VPS13B: variants seen among roughly 807,000 people sequenced by gnomAD.
VPS13B encodes intermembrane lipid transfer protein VPS13B.
VPS13B carries 285 observed loss-of-function variants against 426.4 expected under a neutral mutation model. The ratio of observed to expected loss-of-function variants is 0.67; its 90% CI spans 0.61 to 0.74. VPS13B has a LOEUF of 0.74. Ranked by LOEUF, VPS13B falls within the 30% of genes least tolerant of loss-of-function variation. VPS13B has a pLI of 0.00. For missense variants in VPS13B, 4,537 were observed against 4,782.6 expected (o/e 0.95, Z 1.51); for synonymous variants, 1,676 against 1,676.4 (o/e 1.00, Z 0.01).
At chr8:99,148,222 G>T (rs563809761) in intron 14 of VPS13B, among the ~76,000 whole-genome samples, 27 of 151,928 alleles carry the variant, frequency 1.8e-4, no homozygotes, top group African/African-American at 6.3e-4. Flanking sequence ...AAAAAAATTT[G>T]GCACGGTGGC....
intron 33 of VPS13B, among the ~76,000 whole-genome samples, chr8:99,593,017 G>A (rs1209330617): frequency 6.6e-6 from 1 of 152,118 alleles, no homozygotes; most frequent in African/African-American, 2.4e-5. Flanking sequence ...AAGATTTCAT[G>A]ACGAAGATGC....
At chr8:99,478,447 G>GTTTTGTTTTTTTTTTTTGT (rs1819822769) in intron 24 of VPS13B, among the ~76,000 whole-genome samples, 2 of 85,778 alleles carry the variant, frequency 2.3e-5, no homozygotes, top group East Asian at 3.6e-4. Context: ...TTTTTGTTTT[G>GTTTTGTTTTTTTTTTTTGT]TTTTTTTTTT....
chr8:99,116,213 T>TC (rs1847646048), intron 7 of VPS13B, among the ~76,000 whole-genome samples: 1 of 151,120 alleles, frequency 6.6e-6, no homozygotes, highest in Non-Finnish European at 1.5e-5. Flanking sequence ...TTTTTTTTTT[T>TC]AGTAGAGATG....
intron 35 of VPS13B, among the ~76,000 whole-genome samples, chr8:99,683,941 T>C (rs1220599361): frequency 6.6e-6 from 1 of 152,236 alleles, no homozygotes; most frequent in African/African-American, 2.4e-5. Context: ...AAAGCATTCA[T>C]TTCTTCATAA....
At chr8:99,573,853 T>G (rs980895655) in intron 31 of VPS13B, among the ~76,000 whole-genome samples, 28 of 152,182 alleles carry the variant, frequency 1.8e-4, no homozygotes, top group Non-Finnish European at 2.8e-4. Context: ...ATTGGTAGCT[T>G]GATGGGGATG....
At chr8:99,249,671 C>G (rs547585531) in intron 17 of VPS13B, among the ~76,000 whole-genome samples, 1 of 152,176 alleles carries the variant, frequency 6.6e-6, no homozygotes, top group African/African-American at 2.4e-5. Context: ...GATCCACCCA[C>G]CTTGGCCTCC....
At chr8:99,435,545 T>C (rs1050038839) in intron 22 of VPS13B, among the ~76,000 whole-genome samples, 1 of 152,192 alleles carries the variant, frequency 6.6e-6, no homozygotes, top group African/African-American at 2.4e-5. Flanking sequence ...TACTGGAGAA[T>C]GTCCTTCTCT....
At chr8:99,574,811 T>C (rs1474287348) in intron 31 of VPS13B, among the ~76,000 whole-genome samples, 1 of 152,120 alleles carries the variant, frequency 6.6e-6, no homozygotes, top group African/African-American at 2.4e-5. Context: ...AATGGGGCTA[T>C]TAACAGTCCC....
chr8:99,652,068 G>C (rs955448171), intron 34 of VPS13B, among the ~76,000 whole-genome samples: 2 of 152,134 alleles, frequency 1.3e-5, no homozygotes, highest in African/African-American at 4.8e-5. Context: ...GCACACTTCT[G>C]TGTAGGATAC....
chr8:99,142,837 C>A (rs1810505449), intron 12 of VPS13B, 137 bp from the exon 13 acceptor site: 6 of 755,876 alleles, frequency 7.9e-6, no homozygotes, highest in South Asian at 2.0e-5. Flanking sequence ...ATCAGCAGGG[C>A]TCTCTGTATG....
intron 2 of VPS13B, among the ~76,000 whole-genome samples, chr8:99,026,149 G>A (rs2132167954): frequency 6.6e-6 from 1 of 152,208 alleles, no homozygotes; most frequent in Admixed American, 6.5e-5. Context: ...GCTAAAAACT[G>A]TTTGTACTGT....
intron 8 of VPS13B, among the ~76,000 whole-genome samples, chr8:99,123,832 T>A (rs957201015): frequency 6.6e-6 from 1 of 152,064 alleles, no homozygotes; most frequent in Non-Finnish European, 1.5e-5. Flanking sequence ...ATGACTGGGA[T>A]TGGGAGAAGA....
intron 21 of VPS13B, among the ~76,000 whole-genome samples, chr8:99,395,617 A>G (rs1439492100): frequency 6.6e-6 from 1 of 152,214 alleles, no homozygotes; most frequent in African/African-American, 2.4e-5. Flanking sequence ...GTTAAAAGGA[A>G]TACAATACTA....
intron 17 of VPS13B, among the ~76,000 whole-genome samples, chr8:99,238,702 A>G (rs1467018412): frequency 6.6e-6 from 1 of 152,192 alleles, no homozygotes; most frequent in African/African-American, 2.4e-5. Flanking sequence ...AAGCACTAAG[A>G]GAAAAACTGT....
At chr8:99,270,131 C>CTTGTTTTTTTTTTTTT (rs1818502967) in intron 17 of VPS13B, among the ~76,000 whole-genome samples, 1 of 30,312 alleles carries the variant, frequency 3.3e-5, no homozygotes, top group Non-Finnish European at 6.0e-5. Flanking sequence ...ATATAAGAAT[C>CTTGTTTTTTTTTTTTT]TTTTTTTTTT....
chr8:99,615,476 G>C (rs1274686628), intron 33 of VPS13B, among the ~76,000 whole-genome samples: 2 of 152,096 alleles, frequency 1.3e-5, no homozygotes, highest in Non-Finnish European at 1.5e-5. Flanking sequence ...ACTTAAGCTT[G>C]GCATTTAGTA....
chr8:99,165,136 G>T (rs1241716009), intron 15 of VPS13B, among the ~76,000 whole-genome samples: 1 of 152,096 alleles, frequency 6.6e-6, no homozygotes, highest in Non-Finnish European at 1.5e-5. Context: ...TTTTGAAATA[G>T]CTCAATTTAG....
chr8:99,721,598 C>A (rs1014215306), intron 39 of VPS13B, among the ~76,000 whole-genome samples: 5 of 152,276 alleles, frequency 3.3e-5, no homozygotes, highest in African/African-American at 1.2e-4. Flanking sequence ...TTGTGGATAT[C>A]ACTATGTTAT....
intron 29 of VPS13B, among the ~76,000 whole-genome samples, chr8:99,515,771 G>A (rs1291755488): frequency 1.3e-5 from 2 of 152,114 alleles, no homozygotes; most frequent in Admixed American, 6.6e-5. Flanking sequence ...AGTAAGCGAT[G>A]TCTAATTGCC....
Sources: allele counts gnomAD v4.1 joint callset (sites outside exome capture counted in the v4.1 genomes callset), GRCh38; gene constraint gnomAD v4.1.1; transcripts MANE v1.5; gene names NCBI Gene and HGNC (gene_info 2026-07-23, HGNC 2026-07-21).